Variants in PRKG1 observed in about 807,000 individuals in gnomAD.
PRKG1 encodes the protein cGMP-dependent protein kinase 1.
PRKG1 carries 35 observed loss-of-function variants against 88.1 expected under a neutral mutation model. The ratio of observed to expected loss-of-function variants is 0.40; its 90% confidence interval spans 0.30 to 0.53. The LOEUF (loss-of-function observed/expected upper bound fraction) is 0.53. Ranked by LOEUF, PRKG1 falls within the 20% of genes least tolerant of loss-of-function variation. The pLI is 0.59. For synonymous variants in PRKG1, 303 were observed against 292.5 expected, an observed-to-expected ratio of 1.04 and a Z score of -0.37; for missense variants, 540 against 839.8, an observed-to-expected ratio of 0.64 and a Z score of 4.41.
At chr10:51,617,439 G>A (rs1244258186) in intron 3 of PRKG1, among the ~76,000 whole-genome samples, 1 of 152,080 alleles carries the variant, frequency 6.6e-6, no homozygotes, top group Non-Finnish European at 1.5e-5. Context: ...AGCCCCCAAG[G>A]TGCTGGTACC....
intron 7 of PRKG1, among the ~76,000 whole-genome samples, chr10:52,120,087 CAG>C (rs1160105546): frequency 1.3e-5 from 2 of 151,898 alleles, no homozygotes; most frequent in African/African-American, 4.8e-5. Context: ...GAGACAAAGA[CAG>C]AGAGAGAGCA....
intron 2 of PRKG1, chr10:51,319,946 TC>T: frequency 4.6e-6 from 1 of 219,086 alleles, no homozygotes. Flanking sequence ...ATTTTCCTTA[TC>T]CCATACCATA....
intron 9 of PRKG1, among the ~76,000 whole-genome samples, chr10:52,205,797 G>T (rs1312971091): frequency 6.6e-6 from 1 of 152,136 alleles, no homozygotes; most frequent in Non-Finnish European, 1.5e-5. Flanking sequence ...AGCCTGATGG[G>T]ATTCCTTTTG....
intron 3 of PRKG1, among the ~76,000 whole-genome samples, chr10:51,592,793 A>G (rs2132210928): frequency 1.3e-5 from 2 of 152,290 alleles, no homozygotes; most frequent in South Asian, 4.1e-4. Flanking sequence ...GTCCAACTCA[A>G]ATATTCTGAC....
Position 51,107,281 on chromosome 10 carries a change from G to A in PRKG1, c.311+32380G>A, listed in dbSNP as rs146788730. Among the ~76,000 whole-genome samples the A allele has an allele frequency of 4.9e-4, 74 of 152,220 alleles. 1 individual carries two copies. In the East Asian group the frequency reaches 0.014, roughly 28 times the overall value. On this transcript the variant is annotated intron_variant, in intron 1 of 17. Coordinates refer to ENST00000373980, the MANE Select transcript of PRKG1 (RefSeq NM_006258.4). ...GTAGACATCAGCTCTCGTGAGGCTA[G>A]GTAGAAGCTTGGATATTATCCCAAT...
At chr10:52,224,434 G>T (rs148005669) in intron 9 of PRKG1, among the ~76,000 whole-genome samples, 1 of 151,714 alleles carries the variant, frequency 6.6e-6, no homozygotes, top group Non-Finnish European at 1.5e-5. Flanking sequence ...CCCTTTATTT[G>T]TTTAATTTTA....
chr10:51,101,270 C>G (rs1844673983), intron 1 of PRKG1, among the ~76,000 whole-genome samples: 1 of 152,156 alleles, frequency 6.6e-6, no homozygotes, highest in African/African-American at 2.4e-5. Context: ...GTCTCTTGCT[C>G]TTTCTCTTTC....
At chr10:52,114,557 A>AATAT (rs558013508) in intron 7 of PRKG1, among the ~76,000 whole-genome samples, 2,022 of 150,052 alleles carry the variant, frequency 0.013, 22 homozygotes, top group South Asian at 0.023. Context: ...TAATATGCTG[A>AATAT]ATATATATAT....
chr10:51,726,374 C>T (rs1564622746), intron 3 of PRKG1, among the ~76,000 whole-genome samples: 4 of 152,204 alleles, frequency 2.6e-5, no homozygotes, highest in Admixed American at 2.0e-4. Flanking sequence ...TTTGTGTAAG[C>T]ATTGTGCATG....
At chr10:52,048,088 ATAG>A (rs1845906396) in intron 5 of PRKG1, among the ~76,000 whole-genome samples, 1 of 152,074 alleles carries the variant, frequency 6.6e-6, no homozygotes, top group South Asian at 2.1e-4. Flanking sequence ...AGCAATTACC[ATAG>A]TATTGGTAAT....
chr10:51,259,063 C>T (rs1463218501), intron 2 of PRKG1, among the ~76,000 whole-genome samples: 1 of 152,142 alleles, frequency 6.6e-6, no homozygotes, highest in Non-Finnish European at 1.5e-5. Context: ...CTGCCAAGTG[C>T]TTGTATGTTT....
chr10:51,215,482 A>T (rs879481603), intron 2 of PRKG1, among the ~76,000 whole-genome samples: 1 of 152,140 alleles, frequency 6.6e-6, no homozygotes, highest in Admixed American at 6.5e-5. Context: ...AATGGTAAGA[A>T]CCTTAAGTTC....
At chr10:52,081,582 C>T in intron 7 of PRKG1, 1 of 456,522 alleles carries the variant, frequency 2.2e-6, no homozygotes, top group Non-Finnish European at 4.4e-6. Context: ...TTACCATATG[C>T]CATGTACGAT....
At chr10:52,023,366 C>T (rs140254081) in intron 5 of PRKG1, among the ~76,000 whole-genome samples, 1,883 of 152,298 alleles carry the variant, frequency 0.012, 41 homozygotes, top group African/African-American at 0.043. Flanking sequence ...AACAGTGCCA[C>T]AACAAACATA....
intron 1 of PRKG1, among the ~76,000 whole-genome samples, chr10:51,111,035 C>T (rs1844968449): frequency 6.6e-6 from 1 of 152,060 alleles, no homozygotes; most frequent in Non-Finnish European, 1.5e-5. Flanking sequence ...AGGAAAGGTG[C>T]AGATAGATGA....
intron 3 of PRKG1, among the ~76,000 whole-genome samples, chr10:51,756,770 G>C (rs921286280): frequency 6.6e-6 from 1 of 151,798 alleles, no homozygotes; most frequent in Admixed American, 6.6e-5. Context: ...AGCTGAGATC[G>C]CGCCACTGCA....
In PRKG1 at chr10:52,204,102, TA is replaced by T. The variant is rs750321860; in HGVS notation, c.1076+42140del. Among the ~76,000 whole-genome samples, 452 of 143,684 alleles carry T rather than the reference TA, an allele frequency of 3.1e-3. 2 individuals are homozygous for T. Among genetic ancestry groups the T allele is most frequent in the African/African-American group, 1.0e-2 (401 of 40,268 alleles). 94.3% of individuals were successfully genotyped at this position (143,684 alleles called of 152,430 possible). A position where few individuals can be genotyped will look rare whatever the true frequency, so the allele number is the denominator to read the frequency against. On this transcript the variant is annotated intron_variant, in intron 9 of 17. Coordinates refer to ENST00000373980, the MANE Select transcript of PRKG1 (RefSeq NM_006258.4). ...TTATTATTATTATTATTATTATTAT[TA>T]TTATTTTTTGTTTTTGAGATGGACT...
chr10:51,871,708 G>A (rs1445417915), intron 4 of PRKG1, among the ~76,000 whole-genome samples: 1 of 152,174 alleles, frequency 6.6e-6, no homozygotes, highest in African/African-American at 2.4e-5. Context: ...TGTGGGAAGA[G>A]GAGTTACCTG....
chr10:51,520,765 C>T (rs371989129), intron 3 of PRKG1, among the ~76,000 whole-genome samples: 6 of 151,864 alleles, frequency 4.0e-5, no homozygotes, highest in East Asian at 1.9e-4. Context: ...ATGAAATAGC[C>T]GGCAAAAAGA....
Sources: allele counts gnomAD v4.1 joint callset (sites outside exome capture counted in the v4.1 genomes callset), GRCh38; gene constraint gnomAD v4.1.1; transcripts MANE v1.5; gene names NCBI Gene and HGNC (gene_info 2026-07-23, HGNC 2026-07-21).